Variants in CCDC88B observed in about 807,000 individuals in gnomAD.
CCDC88B encodes the protein coiled-coil domain-containing protein 88B.
Under a neutral mutation model 183.7 loss-of-function variants are expected in CCDC88B, and 138 were observed. That is an observed-to-expected ratio of 0.75 (90% CI 0.65 to 0.87). CCDC88B has a LOEUF of 0.87. CCDC88B is among the 40% of genes least tolerant of loss of function. The pLI is 0.00. For missense variants in CCDC88B, 1,822 were observed against 1,965.6 expected (o/e 0.93, Z 1.38); for synonymous variants, 835 against 867.5 (o/e 0.96, Z 0.66).
rs2035974728 is a variant in CCDC88B at position 64,343,570 on chromosome 11, G to A, written c.1273G>A (p.Glu425Lys). 2 of 1,551,812 alleles carry A rather than the reference G, an allele frequency of 1.3e-6. No homozygotes were observed. Among genetic ancestry groups the A allele is most frequent in the African/African-American group, 1.4e-5 (1 of 73,054 alleles). Reference sequence around the variant, plus strand: ...TGAGGAGAATGTGGAGCTGGAGCTGGAGCTTCAGCGGAGCTTGGAGCCACC... The same window carrying A: ...TGAGGAGAATGTGGAGCTGGAGCTGAAGCTTCAGCGGAGCTTGGAGCCACC... ...LAEENVELELELQRSLEPPPG... is the reference protein window; with the variant it reads ...LAEENVELELKLQRSLEPPPG... Residue 425 changes from glutamate to lysine, a missense_variant, in exon 12 of 27, where the codon GAG (glutamate) becomes AAG (lysine). Physicochemically the swap from Glu to Lys is moderately conservative, Grantham distance 56. Coordinates refer to ENST00000356786, the MANE Select transcript of CCDC88B (RefSeq NM_032251.6).
In CCDC88B at chr11:64,343,147, GTGGCTACCGGTTCT is replaced by G; in HGVS notation, c.1063-31_1063-18del. 2 of 1,504,726 alleles carry G rather than the reference GTGGCTACCGGTTCT, an allele frequency of 1.3e-6. No homozygotes were observed. The highest frequency in any genetic ancestry group is 1.8e-6 in the Non-Finnish European group (2 of 1,124,676). The allele number at this position is 1,504,726 out of a possible 1,614,324, so 93.2% of individuals were successfully genotyped here. ...AGGCGCTGGAGTGCATGGGGGCTGC[GTGGCTACCGGTTCT>G]CCCTGCTCTCCCACCAGGAGGAGCG... is the stretch of plus-strand genomic sequence containing the variant. On this transcript the variant is annotated intron_variant, in intron 10 of 26. Transcript: ENST00000356786.
Position 64,341,095 on chromosome 11 carries a change from C to T in CCDC88B, c.319-14C>T, listed in dbSNP as rs140002378. ...CGGGAAGGCGCCTCATATAGTCTGC[C>T]TCTCTGCCTCCAGGAGGAGCTGCAG... On this transcript the variant is annotated splice_polypyrimidine_tract_variant and intron_variant, in intron 3 of 26. Coordinates refer to ENST00000356786, the MANE Select transcript of CCDC88B (RefSeq NM_032251.6). The T allele has an allele frequency of 5.1e-4, 823 of 1,614,090 alleles. 4 individuals are homozygous for T. In the East Asian group the frequency reaches 0.011, roughly 21 times the overall value.
chr11:64,341,129 C>A lies in CCDC88B; in HGVS notation c.339C>A (p.Ile113=). Residue 113 remains isoleucine (I), a synonymous_variant, in exon 4 of 27, where the codon ATC becomes ATA. Coordinates refer to ENST00000356786, the MANE Select transcript of CCDC88B (RefSeq NM_032251.6). The stretch of plus-strand genomic sequence containing the variant: ...TCCAGGAGGAGCTGCAGCTGCTGAT[C>A]CTGTCGCCACCCCCAGACCTCCAGA... The part of the protein sequence containing the change: ...DFYQEELQLL[I]LSPPPDLQTL... 1 of 1,614,126 alleles carries A rather than the reference C, an allele frequency of 6.2e-7. No homozygotes were observed.
Position 64,355,279 on chromosome 11 carries a change from A to C in CCDC88B, c.4185A>C (p.Lys1395Asn). The C allele has an allele frequency of 6.3e-7, 1 of 1,584,638 alleles. No homozygotes were observed. The highest frequency in any genetic ancestry group is 8.6e-7 in the Non-Finnish European group (1 of 1,166,768). The change falls in exon 25 of 27, where the codon AAA (lysine) becomes AAC (asparagine). Residue 1395 changes from lysine to asparagine, a missense_variant. Physicochemically the swap from Lys to Asn is moderately conservative, Grantham distance 94 (BLOSUM62 0). Coordinates refer to ENST00000356786, the MANE Select transcript of CCDC88B (RefSeq NM_032251.6). ...CCTTGGCAGGCGGGCAGCGGCGGAA[A>C]CTCAGCTCAAGGTTCCCGGTGGGGC... is the stretch of plus-strand genomic sequence containing the variant. ...DETLAGGQRR[K>N]LSSRFPVGRS...
chr11:64,343,362 G>C, intron 11 of CCDC88B, 37 bp downstream of exon 11: 2 of 1,546,258 alleles, frequency 1.3e-6, no homozygotes, highest in Non-Finnish European at 1.7e-6. Context: ...GGGTTGCCCC[G>C]TCACCCCATG....
At chr11:64,351,405 G>A in intron 17 of CCDC88B, 71 bp from the exon 18 acceptor site, 1 of 1,542,844 alleles carries the variant, frequency 6.5e-7, no homozygotes, top group African/African-American at 1.4e-5. Flanking sequence ...TGCAGTGTGA[G>A]TGTGGGCCTG....
At chr11:64,348,929 G>T (rs2036218776) in intron 14 of CCDC88B, 1 of 702,022 alleles carries the variant, frequency 1.4e-6, no homozygotes, top group Non-Finnish European at 2.7e-6. Context: ...TGTAGCCAAG[G>T]TCTCTCACCC....
chr11:64,342,059 T>A lies in CCDC88B; in HGVS notation c.741T>A (p.Ala247=), dbSNP rs200595748. ...LCLRPEAPSR[A]PAEGPSHHLA... is the part of the protein sequence containing the mutation. ...TGAGGCCTGAGGCTCCCTCTAGGGC[T>A]CCCGCCGAGGGCCCCTCGCACCATC... Residue 247 remains alanine, a synonymous_variant, in exon 8 of 27, where the codon GCT becomes GCA. Transcript: ENST00000356786. 5.1e-4 allele frequency: 819 copies of A among 1,610,442 alleles called. 4 individuals carry two copies. The East Asian group carries it at 0.01, about 21-fold the overall frequency.
At chr11:64,352,011 TC>T (rs2036352055) in intron 18 of CCDC88B, 118 bp from the exon 19 acceptor site, 1 of 1,397,790 alleles carries the variant, frequency 7.2e-7, no homozygotes, top group Admixed American at 2.4e-5. Flanking sequence ...GCCCTTTGCC[TC>T]CTCCACAACT....
Position 64,344,566 on chromosome 11 carries a change from A to C in CCDC88B, c.2025A>C (p.Gly675=). Residue 675 remains glycine (G), a synonymous_variant, in exon 14 of 27, where the codon GGA becomes GGC. Coordinates refer to ENST00000356786, the MANE Select transcript of CCDC88B (RefSeq NM_032251.6). The surrounding 1 kb of genome is among the most constrained non-coding windows in gnomAD (Gnocchi z 4.5). ...GPNQGLDLAT[G]QAEAREHDQR... ...ACCAGGGCCTGGACCTGGCCACGGGACAAGCAGAGGCCAGAGAGCATGACC... is the reference window on the plus strand; with the variant it reads ...ACCAGGGCCTGGACCTGGCCACGGGCCAAGCAGAGGCCAGAGAGCATGACC... 6.2e-7 allele frequency: 1 copy of C among 1,606,640 alleles called. No homozygotes were observed. The highest frequency in any genetic ancestry group is 8.5e-7 in the Non-Finnish European group (1 of 1,176,482).
In CCDC88B at chr11:64,341,973, C is replaced by G. The variant is rs774818594; in HGVS notation, c.676-21C>G. ...GAGGCATTGGATAAGTTAGTCCTGA[C>G]CCTTGACCCCTGACCTACAGCGGCT... On this transcript the variant is annotated intron_variant, in intron 7 of 26. Coordinates refer to ENST00000356786, the MANE Select transcript of CCDC88B (RefSeq NM_032251.6). The G allele has an allele frequency of 3.1e-6, 5 of 1,612,402 alleles. No homozygotes were observed. The Middle Eastern group carries it at 4.9e-4, about 160-fold the overall frequency.
At chr11:64,348,807 C>G in intron 14 of CCDC88B, 1 of 584,512 alleles carries the variant, frequency 1.7e-6, no homozygotes, top group South Asian at 2.0e-5. Flanking sequence ...GCAGCCCAAC[C>G]GCCAAAGGCC....
rs1003082493 is a variant in CCDC88B, at chr11:64,356,945, G to A, written c.4376-94G>A. ...TGGAAGCGGGGGGTATTGGCAGGTC[G>A]GGGGTGGGCAGAAGGTGCTCGAGCC... On this transcript the variant is annotated intron_variant, in intron 26 of 26. Transcript: ENST00000356786. The A allele has an allele frequency of 4.7e-6, 6 of 1,269,944 alleles. No homozygotes were observed. The African/African-American group carries it at 5.9e-5, about 13-fold the overall frequency. 78.7% of individuals were successfully genotyped at this position (1,269,944 alleles called of 1,614,324 possible). A position where few individuals can be genotyped will look rare whatever the true frequency, so the allele number is the denominator to read the frequency against.
At position 64,342,605 on chromosome 11, in the gene CCDC88B, G is replaced by T. The variant is rs545538481; in HGVS notation, c.987G>T (p.Leu329=). Residue 329 remains leucine, a synonymous_variant, in exon 10 of 27, where the codon CTG becomes CTT. Transcript: ENST00000356786. ...AEALRERAGR[L]PRLQEELRRC... is the part of the protein sequence containing the mutation. ...CGCTGCGGGAGCGGGCCGGCCGCCT[G>T]CCCCGCCTGCAGGAGGAGCTGAGGC... The T allele has an allele frequency of 1.6e-5, 25 of 1,530,566 alleles. No homozygotes were observed. In the East Asian group the frequency reaches 5.4e-4, roughly 33 times the overall value. 94.8% of individuals were successfully genotyped at this position (1,530,566 alleles called of 1,614,324 possible).
At chr11:64,342,899 A>T in intron 10 of CCDC88B, 1 of 342,742 alleles carries the variant, frequency 2.9e-6, no homozygotes, top group South Asian at 3.6e-5. Context: ...TAAGTGATGC[A>T]GCCTTGGAAG....
At chr11:64,341,863 G>T (rs1195704946) in intron 7 of CCDC88B, 121 bp downstream of exon 7, 3 of 750,664 alleles carry the variant, frequency 4.0e-6, no homozygotes, top group Non-Finnish European at 5.5e-6. Flanking sequence ...TGAGGTCTTG[G>T]GCCATCAGTG....
rs151300973 is a variant in CCDC88B, at chr11:64,355,744, G to A, written c.4375+116G>A. The A allele has an allele frequency of 2.5e-4, 252 of 997,116 alleles. 1 individual carries two copies. In the African/African-American group the frequency reaches 3.7e-3, roughly 15 times the overall value. The allele number at this position is 997,116 out of a possible 1,614,324, so 61.8% of individuals were successfully genotyped here. A position where few individuals can be genotyped will look rare whatever the true frequency, so the allele number is the denominator to read the frequency against. On this transcript the variant is annotated intron_variant, in intron 26 of 26. Transcript: ENST00000356786. ...GATCCTTTACCAAGTGCCAGGTGAC[G>A]TGCTGGCAGGGGACACAGCAGGGAA...
chr11:64,351,989 G>T, intron 18 of CCDC88B, 141 bp from the exon 19 acceptor site: 1 of 1,230,252 alleles, frequency 8.1e-7, no homozygotes, highest in East Asian at 2.4e-5. Context: ...TGTACTGCCT[G>T]CTGTGCCCCC....
chr11:64,348,847 G>C (rs966046075), intron 14 of CCDC88B: 3 of 600,800 alleles, frequency 5.0e-6, no homozygotes, highest in Non-Finnish European at 9.1e-6. Flanking sequence ...GCATCCTGGC[G>C]CCCCCTGCCC....
Sources: gnomAD v4.1 joint callset for allele counts on GRCh38, gnomAD v4.1.1 for gene constraint, Gnocchi (gnomAD v3.1) non-coding constraint, MANE v1.5 for transcripts, NCBI Gene and HGNC (gene_info 2026-07-23, HGNC 2026-07-21) for gene names.